PCDH15: variants seen among roughly 807,000 people sequenced by gnomAD.
PCDH15 encodes the protein protocadherin-15.
A neutral mutation model predicts 178.5 loss-of-function variants in PCDH15; 129 were observed. The ratio of observed to expected loss-of-function variants is 0.72; its 90% confidence interval spans 0.63 to 0.84. The LOEUF is 0.84. PCDH15 is among the 40% of genes least tolerant of loss of function. PCDH15 has a pLI of 0.00. For synonymous variants in PCDH15, 800 were observed against 732.0 expected (o/e 1.09, Z -1.50); for missense variants, 2,230 against 2,099.9 (o/e 1.06, Z -1.21).
chr10:55,160,523 C>T (rs571847141), intron 2 of PCDH15, among the ~76,000 whole-genome samples: 2 of 152,118 alleles, frequency 1.3e-5, no homozygotes, highest in South Asian at 4.2e-4. Flanking sequence ...ATATTAACAG[C>T]ATCATCAGGC....
At chr10:55,211,109 C>T (rs975113190) in intron 1 of PCDH15, among the ~76,000 whole-genome samples, 2 of 151,956 alleles carry the variant, frequency 1.3e-5, no homozygotes, top group African/African-American at 4.8e-5. Context: ...TTAGAAATGG[C>T]AGGGTCAAGG....
At chr10:55,260,061 A>G (rs2249500) in intron 1 of PCDH15, among the ~76,000 whole-genome samples, 132,097 of 151,744 alleles carry the variant, frequency 0.87, 57,749 homozygotes, top group East Asian at 0.96. Context: ...TAATCCAATA[A>G]AGAGTGAAAG....
chr10:54,565,286 T>C (rs1046086992), intron 2 of PCDH15, among the ~76,000 whole-genome samples: 1 of 152,164 alleles, frequency 6.6e-6, no homozygotes, highest in African/African-American at 2.4e-5. Context: ...ATGGGTTTGG[T>C]TACTGTGATC....
intron 18 of PCDH15, among the ~76,000 whole-genome samples, chr10:54,053,787 TGTTA>T (rs1420054007): frequency 2.0e-5 from 3 of 152,180 alleles, no homozygotes; most frequent in South Asian, 2.1e-4. Flanking sequence ...TTAAGTTATT[TGTTA>T]GTTAGAGACA....
At chr10:53,888,664 GATAT>G (rs59914675) in intron 26 of PCDH15, among the ~76,000 whole-genome samples, 114 of 17,006 alleles carry the variant, frequency 6.7e-3, no homozygotes, top group Admixed American at 8.7e-3. Flanking sequence ...AGTTAAGTTT[GATAT>G]ATATATATAT....
intron 3 of PCDH15, among the ~76,000 whole-genome samples, chr10:54,809,992 G>A (rs1195081441): frequency 2.6e-5 from 4 of 152,234 alleles, no homozygotes; most frequent in Admixed American, 2.6e-4. Flanking sequence ...CAGAGGAGAT[G>A]CTTCTCTCAG....
intron 2 of PCDH15, among the ~76,000 whole-genome samples, chr10:55,020,620 C>G (rs1386852524): frequency 6.6e-6 from 1 of 152,078 alleles, no homozygotes; most frequent in Admixed American, 6.6e-5. Flanking sequence ...ATCTCAAACT[C>G]ATTAAGCCAG....
intron 32 of PCDH15, chr10:53,823,073 T>A: frequency 6.2e-7 from 1 of 1,614,018 alleles, no homozygotes; most frequent in Non-Finnish European, 8.5e-7. Context: ...TGGGTGAAAA[T>A]GGGTCTACAA....
At chr10:55,395,173 G>GTA in intron 2 of PCDH15, among the ~76,000 whole-genome samples, 1 of 77,590 alleles carries the variant, frequency 1.3e-5, no homozygotes, top group Non-Finnish European at 2.6e-5. Flanking sequence ...AACTGCGTGT[G>GTA]TGTGTGTGTG....
intron 2 of PCDH15, among the ~76,000 whole-genome samples, chr10:55,115,745 A>T (rs146094130): frequency 1.3e-5 from 2 of 152,292 alleles, no homozygotes; most frequent in African/African-American, 4.8e-5. Flanking sequence ...TATAACAGGA[A>T]TTTTAGCTCC....
chr10:54,370,922 A>T (rs1339468250), intron 4 of PCDH15, among the ~76,000 whole-genome samples: 1 of 151,848 alleles, frequency 6.6e-6, no homozygotes, highest in Non-Finnish European at 1.5e-5. Flanking sequence ...GAATGATGCT[A>T]CCTAGAAAGA....
In PCDH15 at chr10:55,214,566, T is replaced by G. The variant is rs201159614; in HGVS notation, c.-155-47915A>C. Among the ~76,000 whole-genome samples the G allele has an allele frequency of 2.0e-3, 302 of 151,256 alleles. 1 individual carries two copies. Among genetic ancestry groups the G allele is most frequent in the African/African-American group, 7.1e-3 (294 of 41,120 alleles). On this transcript the variant is annotated intron_variant, in intron 1 of 5. Transcript: ENST00000458638. ...TATCTGGTATTTATTCTTTTTTTTT[T>G]GTGGGATGGGAAAGGGTTACATTTT...
intron 2 of PCDH15, among the ~76,000 whole-genome samples, chr10:55,013,247 G>A (rs1466727870): frequency 6.6e-6 from 1 of 152,032 alleles, no homozygotes; most frequent in African/African-American, 2.4e-5. Context: ...ACCCTAAAGG[G>A]CAATTCTTCA....
At chr10:54,357,057 C>G (rs9416317) in intron 5 of PCDH15, among the ~76,000 whole-genome samples, 5,402 of 152,142 alleles carry the variant, frequency 0.036, 313 homozygotes, top group African/African-American at 0.12. Context: ...CAATATCATA[C>G]TGAATGGGCA....
In PCDH15 at chr10:55,463,957, GAAAGAAAGAAAGAAAGAGAA is replaced by G. The variant is rs1839753882; in HGVS notation, c.-156+163648_-156+163667del. ...AGAAAGAAAGAAAGAAAGAAAGAAAGAAAGAAAGAAAGAAAGAGAAAGAAAGAAAGAAAGAGAAAGAAAGA... is the reference window on the plus strand; with the variant it reads ...AGAAAGAAAGAAAGAAAGAAAGAAAGAGAAAGAAAGAAAGAGAAAGAAAGA... On this transcript the variant is annotated intron_variant, in intron 2 of 5. Transcript: ENST00000613346. Among the ~76,000 whole-genome samples, 2 of 34,684 alleles carry G rather than the reference GAAAGAAAGAAAGAAAGAGAA, an allele frequency of 5.8e-5. 1 individual carries two copies. The highest frequency in any genetic ancestry group is 8.8e-5 in the Non-Finnish European group (2 of 22,750). The allele number at this position is 34,684 out of a possible 152,430, so 22.8% of individuals were successfully genotyped here.
chr10:54,518,026 G>A (rs1005949387), intron 3 of PCDH15, among the ~76,000 whole-genome samples: 20 of 152,060 alleles, frequency 1.3e-4, no homozygotes, highest in Non-Finnish European at 2.8e-4. Flanking sequence ...GAACAAAGAC[G>A]CAATATACCA....
At chr10:54,976,353 G>T (rs78627491) in intron 2 of PCDH15, among the ~76,000 whole-genome samples, 1,883 of 152,226 alleles carry the variant, frequency 0.012, 43 homozygotes, top group African/African-American at 0.043. Context: ...AGTTAAAAAA[G>T]AGTTTAATTA....
intron 2 of PCDH15, among the ~76,000 whole-genome samples, chr10:55,019,680 T>A (rs1031447602): frequency 6.6e-6 from 1 of 152,172 alleles, no homozygotes; most frequent in Non-Finnish European, 1.5e-5. Context: ...TTGCCAGTAT[T>A]CATGAAACTG....
chr10:54,056,859 T>C (rs1278607599), intron 18 of PCDH15, among the ~76,000 whole-genome samples: 1 of 152,092 alleles, frequency 6.6e-6, no homozygotes, highest in Non-Finnish European at 1.5e-5. Flanking sequence ...CTAGATACAC[T>C]GGGGATACAG....
Sources: allele counts gnomAD v4.1 joint callset (sites outside exome capture counted in the v4.1 genomes callset), GRCh38; gene constraint gnomAD v4.1.1; transcripts MANE v1.5; gene names NCBI Gene and HGNC (gene_info 2026-07-23, HGNC 2026-07-21).